Variants in SMARCA4 observed in about 807,000 individuals in gnomAD.
SMARCA4 encodes the protein SWI/SNF related BAF chromatin remodeling complex subunit ATPase 4, also known as SWI/SNF-related matrix-associated actin-dependent regulator of chromatin subfamily A member 4.
In SMARCA4, 31 loss-of-function variants were observed where a neutral mutation model predicts 193.9. The ratio of observed to expected loss-of-function variants is 0.16; its 90% CI spans 0.12 to 0.22. The LOEUF (loss-of-function observed/expected upper bound fraction) is 0.22, where lower values mean the gene tolerates loss of function less well. SMARCA4 is among the 10% of genes least tolerant of loss of function. SMARCA4 has a pLI of 1.00. For missense variants in SMARCA4, 1,148 were observed against 2,296.0 expected, an observed-to-expected ratio of 0.50 and a Z score of 10.22; for synonymous variants, 942 against 933.1, an observed-to-expected ratio of 1.01 and a Z score of -0.17.
At position 11,034,309 on chromosome 19, in the gene SMARCA4, C is replaced by A; in HGVS notation, c.3951+109C>A. 1.2e-6 allele frequency: 1 copy of A among 859,144 alleles called. No individual in the cohort carries two copies. The highest frequency in any genetic ancestry group is 1.9e-6 in the Non-Finnish European group (1 of 513,484). 53.2% of individuals were successfully genotyped at this position (859,144 alleles called of 1,614,324 possible). On this transcript the variant is annotated intron_variant, in intron 28 of 34. Coordinates refer to ENST00000344626, the MANE Select transcript of SMARCA4 (RefSeq NM_003072.5). The surrounding 1 kb of genome is among the most constrained non-coding windows in gnomAD (Gnocchi z 7.0). ...GTGGTATCCCTAGCAGGTCAGGGAG[C>A]CAGGGACAGCTCACAGTGCAGCCCA...
At chr19:11,051,084 C>T (rs2076232358) in intron 30 of SMARCA4, among the ~76,000 whole-genome samples, 2 of 152,254 alleles carry the variant, frequency 1.3e-5, no homozygotes, top group African/African-American at 4.8e-5. Flanking sequence ...GTTGCCCACG[C>T]AGCCTGCGGT....
chr19:11,058,779 C>G lies in SMARCA4; in HGVS notation c.4534-9C>G, dbSNP rs1271762916. On this transcript the variant is annotated splice_polypyrimidine_tract_variant and intron_variant, in intron 31 of 34. Coordinates refer to ENST00000344626, the MANE Select transcript of SMARCA4 (RefSeq NM_003072.5). The surrounding 1 kb of genome is among the most constrained non-coding windows in gnomAD (Gnocchi z 5.8). ...CTGAGGTAAGACCTGCTCCTCCCGT[C>G]CACTGCAGGAGCGCATTCGCAACCA... 6.2e-7 allele frequency: 1 copy of G among 1,608,336 alleles called. No homozygotes were observed. Among genetic ancestry groups the G allele is most frequent in the Non-Finnish European group, 8.5e-7 (1 of 1,174,906 alleles).
At chr19:11,050,998 C>T (rs962829113) in intron 30 of SMARCA4, among the ~76,000 whole-genome samples, 3 of 152,244 alleles carry the variant, frequency 2.0e-5, no homozygotes, top group Non-Finnish European at 4.4e-5. Context: ...CACTTATGGG[C>T]ATAGGCTGGG....
chr19:10,976,556 G>A lies in SMARCA4; in HGVS notation c.-31-7565G>A, dbSNP rs111364539. Among the ~76,000 whole-genome samples the A allele has an allele frequency of 3.7e-3, 557 of 152,186 alleles. 7 individuals carry two copies. The highest frequency in any genetic ancestry group is 0.013 in the African/African-American group (519 of 41,508). ...GGATCACTTGAGCCCAGGTGTTTGA[G>A]ACCAGCCTGGGCAACACGGCGAGAC... On this transcript the variant is annotated intron_variant, in intron 1 of 34. Coordinates refer to ENST00000344626, the MANE Select transcript of SMARCA4 (RefSeq NM_003072.5).
At chr19:11,037,015 C>T (rs761778438) in intron 29 of SMARCA4, among the ~76,000 whole-genome samples, 6 of 152,306 alleles carry the variant, frequency 3.9e-5, no homozygotes, top group Non-Finnish European at 5.9e-5. Context: ...TTGTCACATT[C>T]GGTTTTTCTG....
Position 10,996,523 on chromosome 19 carries a change from T to G in SMARCA4, c.1791T>G (p.Pro597=), listed in dbSNP as rs141806282. 5.4e-4 allele frequency: 879 copies of G among 1,614,226 alleles called. No homozygotes were observed. Among genetic ancestry groups the G allele is most frequent in the Non-Finnish European group, 6.7e-4 (788 of 1,180,030 alleles). ...KKAENAEGQT[P]AIGPDGEPLD... is the part of the protein sequence containing the mutation. Reference sequence around the variant, plus strand: ...CAGAAAATGCAGAAGGACAGACGCCTGCCATTGGGCCGGATGGCGAGGTGA... The same window carrying G: ...CAGAAAATGCAGAAGGACAGACGCCGGCCATTGGGCCGGATGGCGAGGTGA... Residue 597 remains proline, a synonymous_variant, in exon 11 of 35, where the codon CCT becomes CCG. Transcript: ENST00000344626.
rs2089642791 is a variant in SMARCA4, at chr19:11,019,229, G to C, written c.2505+206G>C. Reference sequence around the variant, plus strand: ...CAGGGCAGATTAGCTCACTGGGGAGGAGACAGGAGTGAGCATGGTGGCCAG... The same window carrying C: ...CAGGGCAGATTAGCTCACTGGGGAGCAGACAGGAGTGAGCATGGTGGCCAG... On this transcript the variant is annotated intron_variant, in intron 17 of 34. Coordinates refer to ENST00000344626, the MANE Select transcript of SMARCA4 (RefSeq NM_003072.5). The surrounding 1 kb of genome is among the most constrained non-coding windows in gnomAD (Gnocchi z 6.1). 1 of 657,048 alleles carries C rather than the reference G, an allele frequency of 1.5e-6. No homozygotes were observed. Among genetic ancestry groups the C allele is most frequent in the Non-Finnish European group, 2.8e-6 (1 of 360,320 alleles). 40.7% of individuals were successfully genotyped at this position (657,048 alleles called of 1,614,324 possible).
intron 16 of SMARCA4, among the ~76,000 whole-genome samples, chr19:11,017,048 G>A (rs995290664): frequency 6.6e-6 from 1 of 152,092 alleles, no homozygotes; most frequent in Non-Finnish European, 1.5e-5. Context: ...ATTCATGTGC[G>A]CGTGCTGATG....
intron 30 of SMARCA4, among the ~76,000 whole-genome samples, chr19:11,053,018 C>T (rs1300391616): frequency 6.6e-6 from 1 of 152,200 alleles, no homozygotes; most frequent in Non-Finnish European, 1.5e-5. Context: ...TTGCCATGCT[C>T]AGGTTCTTGC....
intron 24 of SMARCA4, among the ~76,000 whole-genome samples, chr19:11,029,834 C>G (rs901692679): frequency 6.6e-6 from 1 of 152,130 alleles, no homozygotes; most frequent in Non-Finnish European, 1.5e-5. Flanking sequence ...CCACTACGCC[C>G]AGCTAATTTT....
intron 23 of SMARCA4, 193 bp from the exon 24 acceptor site, chr19:11,027,591 G>T (rs1282798301): frequency 1.6e-5 from 11 of 684,032 alleles, no homozygotes; most frequent in Non-Finnish European, 2.9e-5. Flanking sequence ...AGCGAGGGTG[G>T]CCGGGCTTAT....
chr19:11,036,506 G>T (rs993355501), intron 29 of SMARCA4, among the ~76,000 whole-genome samples: 3 of 152,126 alleles, frequency 2.0e-5, no homozygotes, highest in African/African-American at 4.8e-5. Flanking sequence ...CAATCCACCC[G>T]CCTCGGCCTG....
intron 24 of SMARCA4, among the ~76,000 whole-genome samples, chr19:11,029,833 C>G (rs1040177492): frequency 6.6e-6 from 1 of 152,118 alleles, no homozygotes; most frequent in Non-Finnish European, 1.5e-5. Flanking sequence ...GCCACTACGC[C>G]CAGCTAATTT....
At chr19:11,059,926 G>A in intron 33 of SMARCA4, 41 bp downstream of exon 33, 1 of 1,613,472 alleles carries the variant, frequency 6.2e-7, no homozygotes, top group Non-Finnish European at 8.5e-7. Context: ...GTTCACGCTG[G>A]CCCGAGAGCC....
chr19:10,984,612 C>T lies in SMARCA4; in HGVS notation c.222+239C>T, dbSNP rs559353395. Among the ~76,000 whole-genome samples, 80 of 152,380 alleles carry T rather than the reference C, an allele frequency of 5.3e-4. No individual in the cohort carries two copies. The highest frequency in any genetic ancestry group is 3.9e-4 in the Admixed American group (6 of 15,302). On this transcript the variant is annotated intron_variant, in intron 2 of 34. Transcript: ENST00000344626. This position sits in a 1 kb window ranked among gnomAD's most constrained non-coding sequence, Gnocchi z 4.3. Reference sequence around the variant, plus strand: ...CGCGGGCACCTGCCCCACCGTTTCCCGCTCCCTTGCTTTCTGCATGTGAAA... The same window carrying T: ...CGCGGGCACCTGCCCCACCGTTTCCTGCTCCCTTGCTTTCTGCATGTGAAA...
At chr19:11,042,493 G>A (rs772492637) in intron 30 of SMARCA4, among the ~76,000 whole-genome samples, 1 of 152,186 alleles carries the variant, frequency 6.6e-6, no homozygotes, top group Non-Finnish European at 1.5e-5. Flanking sequence ...TGGCCAGTAC[G>A]GCTGTCCCCG....
Position 11,021,958 on chromosome 19 carries a change from C to A in SMARCA4, c.2850C>A (p.Thr950=), listed in dbSNP as rs141259126. The A allele has an allele frequency of 2.5e-6, 4 of 1,611,998 alleles. No individual in the cohort carries two copies. In the Admixed American group the frequency reaches 6.7e-5, roughly 27 times the overall value. ...EQWFNAPFAM[T]GEKVDLNEEE... is the part of the protein sequence containing the mutation. ...GGTTTAACGCACCCTTTGCCATGAC[C>A]GGGGAAAAGGTGGGTTTGCCCAGCT... Residue 950 remains threonine (T), a synonymous_variant, in exon 19 of 35, where the codon ACC becomes ACA. Coordinates refer to ENST00000344626, the MANE Select transcript of SMARCA4 (RefSeq NM_003072.5).
chr19:11,033,069 G>T lies in SMARCA4; in HGVS notation c.3547-221G>T, dbSNP rs1039553931. 1.4e-5 allele frequency: 9 copies of T among 628,286 alleles called. No individual in the cohort carries two copies. The highest frequency in any genetic ancestry group is 2.3e-5 in the Non-Finnish European group (8 of 345,694). The allele number at this position is 628,286 out of a possible 1,614,324, so 38.9% of individuals were successfully genotyped here. On this transcript the variant is annotated intron_variant, in intron 25 of 34. Transcript: ENST00000344626. The surrounding 1 kb of genome is among the most constrained non-coding windows in gnomAD (Gnocchi z 9.8). The stretch of plus-strand genomic sequence containing the variant: ...TGGGGTCCCAATAAGGTAGAAGGTG[G>T]CACTTCTGGAGGAACGTGATGAGAG...
chr19:11,049,232 C>T (rs984193460), intron 30 of SMARCA4, among the ~76,000 whole-genome samples: 5 of 152,008 alleles, frequency 3.3e-5, no homozygotes, highest in Admixed American at 2.6e-4. Context: ...GCTGCGCCAG[C>T]ACCAGGGGCC....
Sources: allele counts gnomAD v4.1 joint callset (sites outside exome capture counted in the v4.1 genomes callset), GRCh38; gene constraint gnomAD v4.1.1; non-coding constraint Gnocchi (gnomAD v3.1); transcripts MANE v1.5; gene names NCBI Gene and HGNC (gene_info 2026-07-23, HGNC 2026-07-21).